The following PAK5 variants were observed in gnomAD, a reference collection of about 807,000 sequenced individuals.
PAK5 encodes serine/threonine-protein kinase PAK 5.
In PAK5, 16 loss-of-function variants were observed where a neutral mutation model predicts 65.9. That is an observed-to-expected ratio of 0.24 (90% CI 0.16 to 0.37). PAK5 has a LOEUF of 0.37. Ranked by LOEUF, PAK5 falls within the 10% of genes least tolerant of loss-of-function variation. PAK5 has a pLI of 1.00. For missense variants in PAK5, 785 were observed against 903.9 expected (o/e 0.87, Z 1.69); for synonymous variants, 371 against 354.9 (o/e 1.05, Z -0.51).
chr20:9,715,148 T>C (rs1215432550), intron 1 of PAK5, among the ~76,000 whole-genome samples: 4 of 152,228 alleles, frequency 2.6e-5, no homozygotes, highest in Non-Finnish European at 1.5e-5. Context: ...TCTACTCATT[T>C]GACAAAGGGC....
At chr20:9,697,768 G>A (rs2047888439) in intron 2 of PAK5, among the ~76,000 whole-genome samples, 1 of 152,010 alleles carries the variant, frequency 6.6e-6, no homozygotes, top group Non-Finnish European at 1.5e-5. Context: ...TTTTAAAAAG[G>A]AAGCTTTTAG....
intron 1 of PAK5, among the ~76,000 whole-genome samples, chr20:9,753,033 T>C (rs2048594085): frequency 6.6e-6 from 1 of 152,044 alleles, no homozygotes; most frequent in Non-Finnish European, 1.5e-5. Context: ...GTTCCAGCCA[T>C]CCTAGAAGAG....
chr20:9,540,687 T>C (rs2045246991), intron 9 of PAK5, among the ~76,000 whole-genome samples: 1 of 152,182 alleles, frequency 6.6e-6, no homozygotes, highest in Non-Finnish European at 1.5e-5. Context: ...TTGAAGAACA[T>C]TGGCACTCAC....
intron 2 of PAK5, among the ~76,000 whole-genome samples, chr20:9,710,578 TC>T (rs1165873257): frequency 6.6e-6 from 1 of 152,174 alleles, no homozygotes; most frequent in African/African-American, 2.4e-5. Flanking sequence ...GTCAGCAGTA[TC>T]TTTTATGTGG....
At chr20:9,652,999 C>T (rs927066650) in intron 2 of PAK5, among the ~76,000 whole-genome samples, 2 of 152,188 alleles carry the variant, frequency 1.3e-5, no homozygotes, top group Non-Finnish European at 2.9e-5. Context: ...ATCTGAACTG[C>T]ACACTTTTTA....
At chr20:9,684,667 T>C (rs746202287) in intron 2 of PAK5, among the ~76,000 whole-genome samples, 3 of 152,184 alleles carry the variant, frequency 2.0e-5, no homozygotes, top group African/African-American at 7.2e-5. Flanking sequence ...TATTCTCCAC[T>C]TCAATCAAAA....
intron 1 of PAK5, among the ~76,000 whole-genome samples, chr20:9,723,123 T>G (rs2048237401): frequency 6.6e-6 from 1 of 152,164 alleles, no homozygotes; most frequent in Admixed American, 6.5e-5. Context: ...TGATCTAACT[T>G]ACATTTTAAA....
chr20:9,744,138 CT>C (rs2048480867), intron 1 of PAK5, among the ~76,000 whole-genome samples: 1 of 152,170 alleles, frequency 6.6e-6, no homozygotes, highest in Non-Finnish European at 1.5e-5. Context: ...AAGTGGGTCC[CT>C]GTAGATACCT....
intron 1 of PAK5, among the ~76,000 whole-genome samples, chr20:9,763,432 T>C (rs2048722300): frequency 6.6e-6 from 1 of 152,160 alleles, no homozygotes; most frequent in African/African-American, 2.4e-5. Context: ...GCTTCTTACA[T>C]GTCAACCATT....
intron 2 of PAK5, among the ~76,000 whole-genome samples, chr20:9,661,678 T>C (rs562410478): frequency 6.6e-6 from 1 of 152,158 alleles, no homozygotes; most frequent in Non-Finnish European, 1.5e-5. Flanking sequence ...AGATAAAATA[T>C]AAGTTTCTGT....
chr20:9,542,443 C>G, intron 9 of PAK5, 143 bp downstream of exon 9: 2 of 829,040 alleles, frequency 2.4e-6, no homozygotes, highest in Non-Finnish European at 2.0e-6. Flanking sequence ...AACAGAGATT[C>G]AAACCTAAGT....
intron 6 of PAK5, 30 bp downstream of exon 6, chr20:9,562,861 T>C: frequency 1.3e-6 from 2 of 1,599,242 alleles, no homozygotes; most frequent in Non-Finnish European, 1.7e-6. Flanking sequence ...AAGAAGCACC[T>C]CGAATTCTCT....
chr20:9,584,355 C>A (rs1189433681), intron 3 of PAK5, among the ~76,000 whole-genome samples: 1 of 152,128 alleles, frequency 6.6e-6, no homozygotes, highest in Non-Finnish European at 1.5e-5. Flanking sequence ...CTCTGTCACC[C>A]AAGCTGGAGT....
rs202189833 is a variant in PAK5 at position 9,620,892 on chromosome 20, G to GA, written c.204+23232dup. On this transcript the variant is annotated intron_variant, in intron 3 of 9. Coordinates refer to ENST00000353224, the MANE Select transcript of PAK5 (RefSeq NM_177990.4). ...ACCACACAGAGAAAGAAAATAGCCA[G>GA]AAAAAATATATATATATTAATATAT... Among the ~76,000 whole-genome samples, 14 of 150,706 alleles carry GA rather than the reference G, an allele frequency of 9.3e-5. No individual in the cohort carries two copies. In the East Asian group the frequency reaches 2.3e-3, roughly 25 times the overall value.
At chr20:9,636,470 G>GA (rs1406340553) in intron 3 of PAK5, among the ~76,000 whole-genome samples, 1 of 152,156 alleles carries the variant, frequency 6.6e-6, no homozygotes, top group East Asian at 1.9e-4. Context: ...AAAAAAGGAA[G>GA]AGACAGAACC....
chr20:9,798,203 G>A (rs772222852), intron 1 of PAK5, among the ~76,000 whole-genome samples: 1 of 152,096 alleles, frequency 6.6e-6, no homozygotes, highest in Non-Finnish European at 1.5e-5. Flanking sequence ...GGAGAAGTTT[G>A]ACTTTGCAAG....
intron 1 of PAK5, among the ~76,000 whole-genome samples, chr20:9,819,795 C>A (rs2049398796): frequency 6.6e-6 from 1 of 152,042 alleles, no homozygotes; most frequent in South Asian, 2.1e-4. Context: ...GGCACATGAC[C>A]CACAAATGTT....
chr20:9,713,863 G>T (rs1471302368), intron 1 of PAK5, among the ~76,000 whole-genome samples: 1 of 151,948 alleles, frequency 6.6e-6, no homozygotes, highest in African/African-American at 2.4e-5. Context: ...GGAAAGTGGG[G>T]AGCAAGAGAA....
chr20:9,612,111 T>C (rs1435085917), intron 3 of PAK5, among the ~76,000 whole-genome samples: 1 of 152,112 alleles, frequency 6.6e-6, no homozygotes, highest in Non-Finnish European at 1.5e-5. Flanking sequence ...GGATATGTAC[T>C]GATTAGACAC....
Sources: allele counts gnomAD v4.1 joint callset (sites outside exome capture counted in the v4.1 genomes callset), GRCh38; gene constraint gnomAD v4.1.1; transcripts MANE v1.5; gene names NCBI Gene and HGNC (gene_info 2026-07-23, HGNC 2026-07-21).